NRIP3: variants seen among roughly 807,000 people sequenced by gnomAD.
The protein encoded by NRIP3 is nuclear receptor-interacting protein 3.
A neutral mutation model predicts 29.0 loss-of-function variants in NRIP3; 31 were observed. The ratio of observed to expected loss-of-function variants is 1.07; its 90% CI spans 0.80 to 1.44. The LOEUF is 1.44. NRIP3 is among the 40% of genes most tolerant of loss of function. The probability of loss-of-function intolerance (pLI) is 0.00; values close to 1 mark genes in which losing one functional copy is unlikely to be tolerated. For synonymous variants in NRIP3, 131 were observed against 118.3 expected, an observed-to-expected ratio of 1.11 and a Z score of -0.70; for missense variants, 314 against 297.9, an observed-to-expected ratio of 1.05 and a Z score of -0.40.
At chr11:8,997,628 A>C (rs952360066) in intron 1 of NRIP3, among the ~76,000 whole-genome samples, 8 of 126,286 alleles carry the variant, frequency 6.3e-5, no homozygotes, top group African/African-American at 2.1e-4. Context: ...AGAGCTTCTA[A>C]AGGAAATGAA....
At chr11:8,985,641 T>G in intron 4 of NRIP3, 70 bp downstream of exon 4, 1,105 of 1,536,924 alleles carry the variant, frequency 7.2e-4, no homozygotes, top group Middle Eastern at 1.4e-3. Context: ...TGAGATGACA[T>G]GAGGTTTTGT....
In NRIP3 at chr11:8,990,677, A is replaced by G. The variant is rs572978640; in HGVS notation, c.175-2395T>C. Among the ~76,000 whole-genome samples the G allele has an allele frequency of 4.6e-5, 7 of 152,228 alleles. No homozygotes were observed. In the East Asian group the frequency reaches 1.4e-3, roughly 29 times the overall value. ...CATGGTGGCATGCACCTTTAATCCC[A>G]GCTACTAGAGAGGGTGAGACAGGAG... On this transcript the variant is annotated intron_variant, in intron 1 of 6. Transcript: ENST00000309166.
intron 1 of NRIP3, among the ~76,000 whole-genome samples, chr11:8,991,064 G>A (rs560653696): frequency 2.6e-4 from 39 of 152,274 alleles, no homozygotes; most frequent in African/African-American, 8.7e-4. Context: ...CACTTTGGGA[G>A]GCCAAGGCGG....
At chr11:8,990,885 C>T (rs1854587624) in intron 1 of NRIP3, among the ~76,000 whole-genome samples, 1 of 152,162 alleles carries the variant, frequency 6.6e-6, no homozygotes, top group Non-Finnish European at 1.5e-5. Context: ...CCACTCCCAA[C>T]AAATAATGAC....
chr11:8,993,042 G>C (rs541160488), intron 1 of NRIP3, among the ~76,000 whole-genome samples: 16 of 152,272 alleles, frequency 1.1e-4, no homozygotes, highest in African/African-American at 3.4e-4. Flanking sequence ...CAAAGCAAGG[G>C]AAACAAACAA....
In NRIP3 at chr11:8,980,989, A is replaced by G. The variant is rs994526478; in HGVS notation, c.*2556T>C. 6.6e-6 allele frequency: 1 copy of G among 152,178 alleles called. No individual in the cohort carries two copies. The highest frequency in any genetic ancestry group is 1.5e-5 in the Non-Finnish European group (1 of 68,026). 9.4% of individuals were successfully genotyped at this position (152,178 alleles called of 1,614,324 possible). On this transcript the variant is annotated 3_prime_UTR_variant, in exon 7 of 7. Transcript: ENST00000309166. ...GGTCTGGTGCTTCATGCTACTGCCT[A>G]TTTTCAGAACTATGACACCCTTTCT...
Position 8,982,880 on chromosome 11 carries a change from G to C in NRIP3, c.*665C>G. 1 of 436,058 alleles carries C rather than the reference G, an allele frequency of 2.3e-6. No homozygotes were observed. The highest frequency in any genetic ancestry group is 1.7e-5 in the South Asian group (1 of 60,176). 27.0% of individuals were successfully genotyped at this position (436,058 alleles called of 1,614,324 possible). On this transcript the variant is annotated 3_prime_UTR_variant, in exon 7 of 7. Coordinates refer to ENST00000309166, the MANE Select transcript of NRIP3 (RefSeq NM_020645.3). The stretch of plus-strand genomic sequence containing the variant: ...CTCACCTCTTTGCCCTCCTGTTAAA[G>C]GCTTGAATACAAATGAGGCAGCATG...
At chr11:8,984,023 T>C (rs747018685) in intron 5 of NRIP3, 49 bp downstream of exon 5, 5 of 1,601,084 alleles carry the variant, frequency 3.1e-6, no homozygotes, top group East Asian at 4.5e-5. Context: ...TGTAAGAGGA[T>C]ACCTGCCTCA....
chr11:8,981,129 C>G lies in NRIP3; in HGVS notation c.*2416G>C, dbSNP rs1296639121. 1 of 152,134 alleles carries G rather than the reference C, an allele frequency of 6.6e-6. No homozygotes were observed. Among genetic ancestry groups the G allele is most frequent in the African/African-American group, 2.4e-5 (1 of 41,416 alleles). The allele number at this position is 152,134 out of a possible 1,614,324, so 9.4% of individuals were successfully genotyped here. The stretch of plus-strand genomic sequence containing the variant: ...AGACCCAGTGCTCCCTCATGCACAT[C>G]AAGGAGATATGAGCTAGGAGAATAA... On this transcript the variant is annotated 3_prime_UTR_variant, in exon 7 of 7. Transcript: ENST00000309166.
intron 3 of NRIP3, among the ~76,000 whole-genome samples, chr11:8,986,689 A>G (rs1854526812): frequency 6.6e-6 from 1 of 152,200 alleles, no homozygotes; most frequent in African/African-American, 2.4e-5. Flanking sequence ...TCTTTCTGGA[A>G]CCATCATGTT....
At chr11:8,996,540 C>G (rs1854709952) in intron 1 of NRIP3, among the ~76,000 whole-genome samples, 1 of 152,108 alleles carries the variant, frequency 6.6e-6, no homozygotes, top group Admixed American at 6.5e-5. Flanking sequence ...CTTGGCCTCC[C>G]AAAGTGCTGG....
intron 1 of NRIP3, among the ~76,000 whole-genome samples, chr11:9,000,482 C>T (rs1854774281): frequency 1.3e-5 from 2 of 152,154 alleles, no homozygotes; most frequent in South Asian, 4.1e-4. Context: ...CAGCATCATT[C>T]CTAATTCTAG....
Position 8,988,221 on chromosome 11 carries a change from C to A in NRIP3, c.236G>T (p.Gly79Val). 6.8e-6 allele frequency: 11 copies of A among 1,614,166 alleles called. No homozygotes were observed. The highest frequency in any genetic ancestry group is 9.3e-6 in the Non-Finnish European group (11 of 1,180,000). Residue 79 changes from glycine to valine, a missense_variant, in exon 2 of 7, where the codon GGT becomes GTT. Gly to Val is a moderately radical substitution (Grantham distance 109, BLOSUM62 -3). Transcript: ENST00000309166. ...METNLSKLRS[G>V]PRVPWASKTN... ...CTTAGAGGCCCAAGGGACACGGGGA[C>A]CGCTTCGGAGCTTAGACAGGTTGGT... is the stretch of plus-strand genomic sequence containing the variant.
chr11:8,999,591 C>A (rs1352238811), intron 1 of NRIP3, among the ~76,000 whole-genome samples: 1 of 152,132 alleles, frequency 6.6e-6, no homozygotes, highest in East Asian at 1.9e-4. Context: ...TTTTAAAAAA[C>A]CACCCAAATG....
intron 1 of NRIP3, among the ~76,000 whole-genome samples, chr11:8,999,672 T>G (rs914843049): frequency 2.8e-4 from 43 of 152,340 alleles, no homozygotes; most frequent in African/African-American, 1.0e-3. Flanking sequence ...CATTTTGATC[T>G]AGCTACACTG....
In NRIP3 at chr11:8,982,238, CA is replaced by C. The variant is rs1241841617; in HGVS notation, c.*1306del. On this transcript the variant is annotated 3_prime_UTR_variant, in exon 7 of 7. Transcript: ENST00000309166. The stretch of plus-strand genomic sequence containing the variant: ...ACCTTGTATTCTCCCCAACCTTTGA[CA>C]GGGGTCAGGAAATACTGGGCAGTTA... The C allele has an allele frequency of 2.0e-5, 3 of 152,240 alleles. No individual in the cohort carries two copies. Among genetic ancestry groups the C allele is most frequent in the African/African-American group, 7.2e-5 (3 of 41,448 alleles). The allele number at this position is 152,240 out of a possible 1,614,324, so 9.4% of individuals were successfully genotyped here. A position where few individuals can be genotyped will look rare whatever the true frequency, so the allele number is the denominator to read the frequency against.
chr11:9,003,762 C>G lies in NRIP3; in HGVS notation c.174G>C (p.Met58Ile). ...GGCGAGAACGGCGGCGGGGGCTCAC[C>G]ATGTCCTTGGACGAGCCCAGCTTCT... is the stretch of plus-strand genomic sequence containing the variant. ...GLKKLGSSKDMQPHNILQRRL... is the reference protein window; with the variant it reads ...GLKKLGSSKDIQPHNILQRRL... Residue 58 changes from methionine (M) to isoleucine (I), a missense_variant and splice_region_variant, in exon 1 of 7, where the codon ATG becomes ATC. Transcript: ENST00000309166. The G allele has an allele frequency of 7.0e-7, 1 of 1,436,014 alleles. No individual in the cohort carries two copies. The highest frequency in any genetic ancestry group is 9.2e-7 in the Non-Finnish European group (1 of 1,086,722). The allele number at this position is 1,436,014 out of a possible 1,614,324, so 89.0% of individuals were successfully genotyped here.
chr11:8,984,220 A>G (rs1854471628), intron 4 of NRIP3, 96 bp from the exon 5 acceptor site: 1 of 774,154 alleles, frequency 1.3e-6, no homozygotes, highest in African/African-American at 1.7e-5. Flanking sequence ...CCATCCAATA[A>G]CATCCAATAA....
At chr11:8,989,190 T>C (rs11042149) in intron 1 of NRIP3, among the ~76,000 whole-genome samples, 74,832 of 152,036 alleles carry the variant, frequency 0.49, 19,017 homozygotes, top group Middle Eastern at 0.71. Context: ...GCAGATATAA[T>C]CATGCTCCAC....
Sources: allele counts gnomAD v4.1 joint callset (sites outside exome capture counted in the v4.1 genomes callset), GRCh38; gene constraint gnomAD v4.1.1; transcripts MANE v1.5; gene names NCBI Gene and HGNC (gene_info 2026-07-23, HGNC 2026-07-21).